EML5: variants seen among roughly 807,000 people sequenced by gnomAD.
EML5 encodes echinoderm microtubule-associated protein-like 5.
A neutral mutation model predicts 250.0 loss-of-function variants in EML5; 120 were observed. That is an observed-to-expected ratio of 0.48 (90% CI 0.41 to 0.56). The LOEUF is 0.56. Ranked by LOEUF, EML5 falls within the 20% of genes least tolerant of loss-of-function variation. The pLI is 0.00. For missense variants in EML5, 2,006 were observed against 2,437.6 expected (o/e 0.82, Z 3.73); for synonymous variants, 771 against 806.5 (o/e 0.96, Z 0.75).
At position 88,706,284 on chromosome 14, in the gene EML5, T is replaced by G; in HGVS notation, c.1800A>C (p.Lys600Asn). The change falls in exon 11 of 44, where the codon AAA becomes AAC. Residue 600 changes from lysine (K) to asparagine (N), a missense_variant. Physicochemically the swap from Lys to Asn is moderately conservative, Grantham distance 94 (BLOSUM62 0). Transcript: ENST00000554922. ...CTTGGGGTGCTATGTGAACAGCATC[T>G]TTCAGTTTTCTTTCAGGAATAAATT... ...QWKFIPERKL[K>N]DAVHIAPQES... is the part of the protein sequence containing the mutation. 1.2e-6 allele frequency: 2 copies of G among 1,609,266 alleles called. No homozygotes were observed. The highest frequency in any genetic ancestry group is 8.5e-7 in the Non-Finnish European group (1 of 1,178,006).
In EML5 at chr14:88,682,071, GTA is replaced by G; in HGVS notation, c.2983-42_2983-41del. 2.0e-6 allele frequency: 3 copies of G among 1,501,486 alleles called. No individual in the cohort carries two copies. The South Asian group carries it at 4.4e-5, about 22-fold the overall frequency. 93.0% of individuals were successfully genotyped at this position (1,501,486 alleles called of 1,614,324 possible). A position where few individuals can be genotyped will look rare whatever the true frequency, so the allele number is the denominator to read the frequency against. ...TAGGATCAATTTAGTGTATGTGTGT[GTA>G]TATTTATACACAGTTTTATTTAGAA... On this transcript the variant is annotated intron_variant, in intron 20 of 43. Transcript: ENST00000554922.
intron 39 of EML5, chr14:88,619,364 T>TCAAAA (rs1030266896): frequency 6.6e-6 from 1 of 152,316 alleles, no homozygotes; most frequent in African/African-American, 2.4e-5. Flanking sequence ...AAACTCCAAC[T>TCAAAA]CAAAACAAAA....
chr14:88,674,884 G>C (rs2092558998), intron 21 of EML5, among the ~76,000 whole-genome samples: 1 of 152,138 alleles, frequency 6.6e-6, no homozygotes, highest in African/African-American at 2.4e-5. Context: ...AAACCAAGGG[G>C]TTACAGGCCC....
chr14:88,760,091 G>A (rs558151152), intron 1 of EML5, among the ~76,000 whole-genome samples: 11 of 152,114 alleles, frequency 7.2e-5, no homozygotes, highest in African/African-American at 2.4e-4. Context: ...GTCCTACATG[G>A]GACTTGCAAA....
intron 21 of EML5, 34 bp downstream of exon 21, chr14:88,681,856 G>C (rs765975657): frequency 6.4e-7 from 1 of 1,561,384 alleles, no homozygotes; most frequent in Admixed American, 2.0e-5. Context: ...AACTGTGAGA[G>C]CTTAATCTAC....
intron 16 of EML5, 103 bp downstream of exon 16, chr14:88,695,258 A>C (rs1208136798): frequency 2.5e-5 from 20 of 789,982 alleles, no homozygotes; most frequent in Non-Finnish European, 3.6e-5. Flanking sequence ...AGCAATAAAA[A>C]GTTACATATT....
intron 6 of EML5, among the ~76,000 whole-genome samples, chr14:88,737,916 A>G (rs893393239): frequency 6.6e-6 from 1 of 152,146 alleles, no homozygotes; most frequent in Non-Finnish European, 1.5e-5. Context: ...TTACTTGTCT[A>G]TATTTCTTCA....
At chr14:88,616,346 G>T in intron 42 of EML5, 104 bp from the exon 43 acceptor site, 1 of 1,145,410 alleles carries the variant, frequency 8.7e-7, no homozygotes, top group South Asian at 1.3e-5. Context: ...GGAGAGAGTA[G>T]GGAGTTAGCA....
intron 6 of EML5, among the ~76,000 whole-genome samples, chr14:88,738,363 C>T (rs894231865): frequency 6.6e-6 from 1 of 150,920 alleles, no homozygotes; most frequent in Non-Finnish European, 1.5e-5. Context: ...CTGTGGGTAG[C>T]TTTTATAGTA....
intron 21 of EML5, among the ~76,000 whole-genome samples, chr14:88,679,198 T>G (rs372370268): frequency 5.1e-4 from 76 of 150,132 alleles, no homozygotes; most frequent in African/African-American, 1.7e-3. Flanking sequence ...TTATATCTGC[T>G]AATACTCTAT....
chr14:88,763,208 G>A (rs1391371537), intron 1 of EML5, among the ~76,000 whole-genome samples: 1 of 152,052 alleles, frequency 6.6e-6, no homozygotes, highest in African/African-American at 2.4e-5. Flanking sequence ...AAAAATCAAT[G>A]AATCAGGACC....
intron 2 of EML5, among the ~76,000 whole-genome samples, chr14:88,752,284 AT>A (rs1289795411): frequency 6.6e-6 from 1 of 152,230 alleles, no homozygotes; most frequent in African/African-American, 2.4e-5. Flanking sequence ...TCTATATTTA[AT>A]GTTATAGATG....
intron 35 of EML5, 143 bp downstream of exon 35, chr14:88,626,694 GA>G (rs1231494984): frequency 1.2e-6 from 1 of 800,328 alleles, no homozygotes; most frequent in East Asian, 2.8e-5. Flanking sequence ...CTAGATTTTT[GA>G]AAGATGAAAT....
rs767205153 is a variant in EML5 at position 88,687,343 on chromosome 14, G to A, written c.2743-16C>T. The A allele has an allele frequency of 4.6e-6, 7 of 1,509,828 alleles. No homozygotes were observed. In the East Asian group the frequency reaches 1.2e-4, roughly 25 times the overall value. The allele number at this position is 1,509,828 out of a possible 1,614,324, so 93.5% of individuals were successfully genotyped here. On this transcript the variant is annotated splice_polypyrimidine_tract_variant and intron_variant, in intron 18 of 43. Coordinates refer to ENST00000554922, the MANE Select transcript of EML5 (RefSeq NM_183387.3). ...TTACAAACCCCTATGGAAAAAAAAA[G>A]GTTCAAGTTAATAAAGATCTAAATA...
At chr14:88,788,273 C>G (rs1000388290) in intron 1 of EML5, among the ~76,000 whole-genome samples, 1 of 152,106 alleles carries the variant, frequency 6.6e-6, no homozygotes, top group Non-Finnish European at 1.5e-5. Flanking sequence ...AGTTTCTATA[C>G]CATAAATACT....
At chr14:88,762,882 G>A (rs887459009) in intron 1 of EML5, among the ~76,000 whole-genome samples, 2 of 152,058 alleles carry the variant, frequency 1.3e-5, no homozygotes, top group South Asian at 4.2e-4. Flanking sequence ...ACAACTACAC[G>A]GAAACTGAAC....
rs149854728 is a variant in EML5, at chr14:88,697,693, TAATA to T, written c.2239-745_2239-742del. On this transcript the variant is annotated intron_variant, in intron 14 of 43. Coordinates refer to ENST00000554922, the MANE Select transcript of EML5 (RefSeq NM_183387.3). Reference sequence around the variant, plus strand: ...ATATAGAGACAACTCCTGAAATAATTAATAGAGCTGTCAATTATAGTTAATTTTG... The same window carrying T: ...ATATAGAGACAACTCCTGAAATAATTGAGCTGTCAATTATAGTTAATTTTG... Among the ~76,000 whole-genome samples, 390 of 152,308 alleles carry T rather than the reference TAATA, an allele frequency of 2.6e-3. 8 individuals carry two copies. In the East Asian group the frequency reaches 0.054, roughly 21 times the overall value.
intron 1 of EML5, among the ~76,000 whole-genome samples, chr14:88,791,392 C>T (rs1463065005): frequency 6.6e-6 from 1 of 152,166 alleles, no homozygotes; most frequent in African/African-American, 2.4e-5. Flanking sequence ...ATATTTTCCT[C>T]TGTAAAGGAC....
At chr14:88,712,046 C>A (rs2093417167) in intron 10 of EML5, among the ~76,000 whole-genome samples, 1 of 151,922 alleles carries the variant, frequency 6.6e-6, no homozygotes, top group African/African-American at 2.4e-5. Flanking sequence ...AGATATAGTG[C>A]ATTCATAACA....
Sources: allele counts gnomAD v4.1 joint callset (sites outside exome capture counted in the v4.1 genomes callset), GRCh38; gene constraint gnomAD v4.1.1; transcripts MANE v1.5; gene names NCBI Gene and HGNC (gene_info 2026-07-23, HGNC 2026-07-21).